ZNF248: variants seen among roughly 807,000 people sequenced by gnomAD.
ZNF248 encodes the protein KRAB protein domain.
A neutral mutation model predicts 44.3 loss-of-function variants in ZNF248; 20 were observed. That is an observed-to-expected ratio of 0.45 (90% CI 0.32 to 0.66). The LOEUF (loss-of-function observed/expected upper bound fraction) is 0.66, where lower values mean the gene tolerates loss of function less well. Among genes scored for constraint, ZNF248 ranks in the 30% least tolerant of loss-of-function variants. The pLI is 0.04. For synonymous variants in ZNF248, 224 were observed against 229.0 expected (o/e 0.98, Z 0.20); for missense variants, 654 against 677.0 (o/e 0.97, Z 0.38).
At chr10:37,810,165 A>C (rs1212138061) in intron 6 of ZNF248, among the ~76,000 whole-genome samples, 1 of 152,180 alleles carries the variant, frequency 6.6e-6, no homozygotes, top group African/African-American at 2.4e-5. Context: ...CTGCAAACAT[A>C]ATTTAACTTA....
chr10:37,765,180 C>T, the ZNF248 span, among the ~76,000 whole-genome samples: 1 of 152,108 alleles, frequency 6.6e-6, no homozygotes. Flanking sequence ...TGGTCTCGAA[C>T]TCTTGACCTC....
At chr10:37,782,797 G>C (rs1368760041) in intron 6 of ZNF248, among the ~76,000 whole-genome samples, 3 of 152,134 alleles carry the variant, frequency 2.0e-5, no homozygotes, top group South Asian at 4.1e-4. Flanking sequence ...AGAGGCAAGA[G>C]AGGATTCTCC....
At chr10:37,833,283 G>A (rs1181077422) in intron 5 of ZNF248, among the ~76,000 whole-genome samples, 167 bp from the exon 6 acceptor site, 3 of 152,126 alleles carry the variant, frequency 2.0e-5, no homozygotes, top group Admixed American at 1.3e-4. Context: ...CAAGGTTTAG[G>A]TGGAAAACAT....
At chr10:37,789,337 A>C (rs1329575963) in intron 6 of ZNF248, among the ~76,000 whole-genome samples, 1 of 152,158 alleles carries the variant, frequency 6.6e-6, no homozygotes, top group African/African-American at 2.4e-5. Flanking sequence ...CTTTGAGCAA[A>C]AATGCCCTCT....
Position 37,831,539 on chromosome 10 carries a change from C to A in ZNF248, c.*76G>T. 6.6e-7 allele frequency: 1 copy of A among 1,522,350 alleles called. No individual in the cohort carries two copies. Among genetic ancestry groups the A allele is most frequent in the Admixed American group, 2.3e-5 (1 of 43,620 alleles). 94.3% of individuals were successfully genotyped at this position (1,522,350 alleles called of 1,614,324 possible). On this transcript the variant is annotated 3_prime_UTR_variant, in exon 6 of 6. Coordinates refer to ENST00000395867, the MANE Select transcript of ZNF248 (RefSeq NM_021045.3). ...GAAGTCATTTTCTACAAATTTCTGA[C>A]ATTCTTTGGCTTTCTCTGATCTCCT...
chr10:37,837,063 A>AT (rs2057357446), intron 5 of ZNF248, among the ~76,000 whole-genome samples: 1 of 151,278 alleles, frequency 6.6e-6, no homozygotes, highest in East Asian at 1.9e-4. Flanking sequence ...GATTATAGGT[A>AT]TAAGTAAAAT....
intron 6 of ZNF248, among the ~76,000 whole-genome samples, chr10:37,808,769 A>C (rs927515860): frequency 6.6e-6 from 1 of 152,098 alleles, no homozygotes; most frequent in African/African-American, 2.4e-5. Context: ...CTTCATTTTA[A>C]TTTTTTGGAA....
chr10:37,788,339 G>T (rs116460402), intron 6 of ZNF248, among the ~76,000 whole-genome samples: 5 of 151,090 alleles, frequency 3.3e-5, no homozygotes, highest in African/African-American at 1.2e-4. Context: ...CAAATGCAAG[G>T]GCCAGACACG....
At chr10:37,779,247 T>A (rs1012738642) in intron 6 of ZNF248, among the ~76,000 whole-genome samples, 1 of 152,210 alleles carries the variant, frequency 6.6e-6, no homozygotes, top group Non-Finnish European at 1.5e-5. Context: ...TTGATGAACA[T>A]TGATGCTAAA....
chr10:37,830,226 C>T lies in ZNF248; in HGVS notation c.*1389G>A. On this transcript the variant is annotated 3_prime_UTR_variant, in exon 6 of 6. Transcript: ENST00000395867. ...TTGCATAATTTATGTAAAAACCATT[C>T]TTATTAACAACATTTACATTACAGA... 1.9e-5 allele frequency: 19 copies of T among 985,360 alleles called. No homozygotes were observed. Among genetic ancestry groups the T allele is most frequent in the Non-Finnish European group, 2.3e-5 (19 of 829,928 alleles). 61.0% of individuals were successfully genotyped at this position (985,360 alleles called of 1,614,324 possible). A position where few individuals can be genotyped will look rare whatever the true frequency, so the allele number is the denominator to read the frequency against.
Position 37,828,984 on chromosome 10 carries a change from T to C in ZNF248, c.*2631A>G. 3 of 985,472 alleles carry C rather than the reference T, an allele frequency of 3.0e-6. No homozygotes were observed. The highest frequency in any genetic ancestry group is 3.6e-6 in the Non-Finnish European group (3 of 829,936). 61.0% of individuals were successfully genotyped at this position (985,472 alleles called of 1,614,324 possible). On this transcript the variant is annotated 3_prime_UTR_variant, in exon 6 of 6. Coordinates refer to ENST00000395867, the MANE Select transcript of ZNF248 (RefSeq NM_021045.3). Reference sequence around the variant, plus strand: ...AACACTTAACTTGCAACTAGTAGAATAACTTTATTTCTAACACTGAGCCTT... The same window carrying C: ...AACACTTAACTTGCAACTAGTAGAACAACTTTATTTCTAACACTGAGCCTT...
the ZNF248 span, among the ~76,000 whole-genome samples, chr10:37,769,460 G>A: frequency 1.3e-5 from 2 of 152,156 alleles, no homozygotes; most frequent in Non-Finnish European, 2.9e-5. Context: ...ATGCAAGGCT[G>A]GTTCAACATA....
intron 6 of ZNF248, among the ~76,000 whole-genome samples, chr10:37,805,960 C>T (rs1453260461): frequency 1.3e-5 from 2 of 152,096 alleles, no homozygotes; most frequent in Admixed American, 6.5e-5. Context: ...CATTTGTGTA[C>T]AAGCATTTGA....
intron 6 of ZNF248, chr10:37,820,737 G>A: frequency 7.6e-7 from 1 of 1,314,908 alleles, no homozygotes; most frequent in Non-Finnish European, 1.1e-6. Flanking sequence ...CACAAGCTCT[G>A]GTTGGAAGAC....
chr10:37,831,036 A>G lies in ZNF248; in HGVS notation c.*579T>C. 9.9e-7 allele frequency: 1 copy of G among 1,007,496 alleles called. No individual in the cohort carries two copies. Among genetic ancestry groups the G allele is most frequent in the East Asian group, 3.7e-5 (1 of 27,118 alleles). 62.4% of individuals were successfully genotyped at this position (1,007,496 alleles called of 1,614,324 possible). A position where few individuals can be genotyped will look rare whatever the true frequency, so the allele number is the denominator to read the frequency against. Reference sequence around the variant, plus strand: ...AGTATGTGTGTAGAAATATATTTACATATACACACAAACATATGTACATAC... The same window carrying G: ...AGTATGTGTGTAGAAATATATTTACGTATACACACAAACATATGTACATAC... On this transcript the variant is annotated 3_prime_UTR_variant, in exon 6 of 6. Transcript: ENST00000395867.
chr10:37,812,260 T>A (rs902106834), intron 6 of ZNF248, among the ~76,000 whole-genome samples: 1 of 151,168 alleles, frequency 6.6e-6, no homozygotes, highest in African/African-American at 2.4e-5. Context: ...AAGAAAATCA[T>A]TGAGGAGGAA....
intron 3 of ZNF248, among the ~76,000 whole-genome samples, chr10:37,854,843 TTC>T (rs1330652292): frequency 1.3e-5 from 2 of 152,242 alleles, no homozygotes; most frequent in Non-Finnish European, 2.9e-5. Context: ...GCTATTCATG[TTC>T]TGTCAGAGAA....
At chr10:37,765,799 C>A in the ZNF248 span, among the ~76,000 whole-genome samples, 6 of 152,322 alleles carry the variant, frequency 3.9e-5, no homozygotes, top group South Asian at 1.2e-3. Context: ...TGAGCTGAAG[C>A]AGGGCGAGGC....
the ZNF248 span, among the ~76,000 whole-genome samples, chr10:37,767,649 A>G: frequency 6.6e-6 from 1 of 152,242 alleles, no homozygotes; most frequent in Non-Finnish European, 1.5e-5. Flanking sequence ...AGGAACAACC[A>G]GTTCCAGCCA....
Sources: allele counts gnomAD v4.1 joint callset (sites outside exome capture counted in the v4.1 genomes callset), GRCh38; gene constraint gnomAD v4.1.1; transcripts MANE v1.5; gene names NCBI Gene and HGNC (gene_info 2026-07-23, HGNC 2026-07-21).